Variants in CAMTA1 observed in about 807,000 individuals in gnomAD.
CAMTA1 encodes the protein calmodulin binding transcription activator 1, also known as calmodulin-binding transcription activator 1.
Under a neutral mutation model 170.9 loss-of-function variants are expected in CAMTA1, and 27 were observed. The ratio of observed to expected loss-of-function variants is 0.16; its 90% CI spans 0.12 to 0.22. The LOEUF is 0.22. CAMTA1 is among the 10% of genes least tolerant of loss of function. CAMTA1 has a pLI of 1.00. For missense variants in CAMTA1, 1,619 were observed against 2,217.2 expected (o/e 0.73, Z 5.42); for synonymous variants, 833 against 891.5 (o/e 0.93, Z 1.17).
chr1:7,135,775 T>C (rs1645505907), intron 4 of CAMTA1, among the ~76,000 whole-genome samples: 1 of 152,174 alleles, frequency 6.6e-6, no homozygotes, highest in Admixed American at 6.5e-5. Flanking sequence ...TGACTCTCTA[T>C]CTGTCGTAAT....
chr1:7,150,536 G>C (rs1646512558), intron 4 of CAMTA1, among the ~76,000 whole-genome samples: 2 of 152,064 alleles, frequency 1.3e-5, no homozygotes, highest in South Asian at 4.2e-4. Context: ...GGGCATGGAA[G>C]CATGTTGAAC....
At chr1:7,567,489 A>C (rs1193641876) in intron 6 of CAMTA1, among the ~76,000 whole-genome samples, 1 of 152,246 alleles carries the variant, frequency 6.6e-6, no homozygotes. Flanking sequence ...TGGCGTCAAC[A>C]CAGGTGGTGG....
At chr1:7,019,197 G>A (rs6702309) in intron 3 of CAMTA1, among the ~76,000 whole-genome samples, 3,124 of 152,248 alleles carry the variant, frequency 0.021, 90 homozygotes, top group African/African-American at 0.07. Context: ...CCCTGAACTC[G>A]CGGACACTCG....
chr1:7,068,156 A>G (rs907249935), intron 3 of CAMTA1, among the ~76,000 whole-genome samples: 2 of 152,190 alleles, frequency 1.3e-5, no homozygotes, highest in Admixed American at 1.3e-4. Context: ...TTTGCAGCCC[A>G]AAATATCCTA....
At chr1:6,932,732 C>G (rs1684623073) in intron 3 of CAMTA1, among the ~76,000 whole-genome samples, 1 of 152,180 alleles carries the variant, frequency 6.6e-6, no homozygotes, top group Non-Finnish European at 1.5e-5. Flanking sequence ...ATTTGTATTT[C>G]TGTAGTAAAT....
At chr1:7,421,103 G>A (rs1237970852) in intron 5 of CAMTA1, among the ~76,000 whole-genome samples, 6 of 152,100 alleles carry the variant, frequency 3.9e-5, no homozygotes, top group Admixed American at 1.3e-4. Context: ...TTGGAATAGC[G>A]GCTAGGTGCC....
chr1:7,103,551 CTA>C (rs1558101516), intron 4 of CAMTA1, among the ~76,000 whole-genome samples: 3 of 131,116 alleles, frequency 2.3e-5, no homozygotes, highest in East Asian at 2.1e-4. Context: ...CATGTACACA[CTA>C]CACACATACA....
intron 4 of CAMTA1, among the ~76,000 whole-genome samples, chr1:7,175,045 T>C (rs1650493989): frequency 6.6e-6 from 1 of 152,118 alleles, no homozygotes; most frequent in Admixed American, 6.5e-5. Context: ...TACATCCTGG[T>C]GTGTGTGTGC....
At chr1:6,898,635 G>A (rs1281044770) in intron 3 of CAMTA1, among the ~76,000 whole-genome samples, 1 of 152,170 alleles carries the variant, frequency 6.6e-6, no homozygotes, top group East Asian at 1.9e-4. Flanking sequence ...TGAGAGAATG[G>A]GCTCATAATG....
chr1:7,701,818 G>C (rs2096443488), intron 11 of CAMTA1, among the ~76,000 whole-genome samples: 1 of 152,070 alleles, frequency 6.6e-6, no homozygotes, highest in Admixed American at 6.6e-5. Context: ...AACAACCCAG[G>C]TATGCTCAAA....
chr1:7,238,872 G>T (rs1193644585), intron 4 of CAMTA1, among the ~76,000 whole-genome samples: 1 of 152,208 alleles, frequency 6.6e-6, no homozygotes, highest in Non-Finnish European at 1.5e-5. Context: ...GACAGAGCGA[G>T]ACTCCATCTC....
At chr1:7,625,102 G>T (rs577206319) in intron 6 of CAMTA1, among the ~76,000 whole-genome samples, 3 of 152,348 alleles carry the variant, frequency 2.0e-5, no homozygotes, top group African/African-American at 7.2e-5. Context: ...CAGGAGTGGG[G>T]TTGCATTCAC....
chr1:7,192,130 C>G (rs1331678173), intron 4 of CAMTA1, among the ~76,000 whole-genome samples: 1 of 152,214 alleles, frequency 6.6e-6, no homozygotes, highest in Non-Finnish European at 1.5e-5. Context: ...ATTTGTCTGT[C>G]TTCTTGGCTA....
chr1:6,999,569 G>C (rs957081772), intron 3 of CAMTA1, among the ~76,000 whole-genome samples: 4 of 152,188 alleles, frequency 2.6e-5, no homozygotes, highest in Non-Finnish European at 5.9e-5. Flanking sequence ...TTTTTGTAGA[G>C]ACGGGGCTTT....
rs1557636179 is a variant in CAMTA1 at position 6,825,104 on chromosome 1, A to G, written c.128A>G (p.Asn43Ser). Residue 43 changes from asparagine (N) to serine (S), a missense_variant, in exon 3 of 23, where the codon AAC becomes AGC. Around this residue, in one of 8 missense-constraint regions of CAMTA1, gnomAD observed 61 missense variants for 57.7 expected, o/e 1.06. Transcript: ENST00000303635. ...TTCTTCTTTGTAGATGATCATGGGA[A>G]CAGCAATAGTAGTCATGTAAAAATC... is the stretch of plus-strand genomic sequence containing the variant. ...TVPPIEDDHG[N>S]SNSSHVKIFL... The G allele has an allele frequency of 6.4e-7, 1 of 1,574,540 alleles. No individual in the cohort carries two copies. The highest frequency in any genetic ancestry group is 8.7e-7 in the Non-Finnish European group (1 of 1,153,284).
chr1:7,379,851 C>T (rs1014236134), intron 5 of CAMTA1, among the ~76,000 whole-genome samples: 2 of 152,216 alleles, frequency 1.3e-5, no homozygotes, highest in Non-Finnish European at 2.9e-5. Flanking sequence ...CCAAACAACA[C>T]ACATCAGCGA....
intron 6 of CAMTA1, among the ~76,000 whole-genome samples, chr1:7,495,519 C>T (rs1451943139): frequency 6.6e-6 from 1 of 152,228 alleles, no homozygotes; most frequent in African/African-American, 2.4e-5. Context: ...TTGGGCATGG[C>T]AGGGCCCCAC....
At chr1:7,350,099 C>T (rs547583237) in intron 5 of CAMTA1, among the ~76,000 whole-genome samples, 1 of 152,310 alleles carries the variant, frequency 6.6e-6, no homozygotes, top group Middle Eastern at 3.4e-3. Flanking sequence ...CTTGGCAAGA[C>T]CCTGCCCCAG....
intron 3 of CAMTA1, among the ~76,000 whole-genome samples, chr1:7,062,733 G>T (rs564383370): frequency 6.3e-4 from 96 of 152,358 alleles, no homozygotes; most frequent in African/African-American, 2.2e-3. Context: ...CCCTCTCATA[G>T]TTCCCGAGGC....
Sources: gnomAD v4.1 joint callset for allele counts (sites outside exome capture counted in the v4.1 genomes callset) on GRCh38, gnomAD v4.1.1 for gene constraint, gnomAD v4.1.1 regional missense constraint, MANE v1.5 for transcripts, NCBI Gene and HGNC (gene_info 2026-07-23, HGNC 2026-07-21) for gene names.